The following KSR2 variants were observed in gnomAD, a reference collection of about 807,000 sequenced individuals.
KSR2 encodes kinase suppressor of ras 2.
A neutral mutation model predicts 107.8 loss-of-function variants in KSR2; 25 were observed. That is an observed-to-expected ratio of 0.23 (90% confidence interval 0.17 to 0.32). KSR2 has a LOEUF of 0.32. KSR2 is among the 10% of genes least tolerant of loss of function. The pLI, the probability that KSR2 is intolerant of heterozygous loss-of-function variation, is 1.00. For missense variants in KSR2, 887 were observed against 1,268.9 expected, an observed-to-expected ratio of 0.70 and a Z score of 4.57; for synonymous variants, 480 against 507.0, an observed-to-expected ratio of 0.95 and a Z score of 0.71.
At chr12:117,825,902 C>CGTGGATGGGTGGATGGGTGGATGG (rs1373791697) in intron 3 of KSR2, among the ~76,000 whole-genome samples, 1 of 100,336 alleles carries the variant, frequency 1.0e-5, no homozygotes, top group Non-Finnish European at 1.9e-5. Flanking sequence ...TGCATAGATG[C>CGTGGATGGGTGGATGGGTGGATGG]GTGGATGGGT....
chr12:117,523,118 G>A (rs1874869889), intron 14 of KSR2, among the ~76,000 whole-genome samples: 1 of 152,200 alleles, frequency 6.6e-6, no homozygotes. Flanking sequence ...CAAAGCACGA[G>A]TCACTCCAGT....
intron 5 of KSR2, among the ~76,000 whole-genome samples, chr12:117,634,341 C>G (rs1882951085): frequency 6.6e-6 from 1 of 152,110 alleles, no homozygotes; most frequent in Non-Finnish European, 1.5e-5. Context: ...ACAAAATATG[C>G]AAGACGGAAC....
At chr12:117,485,552 G>A (rs772076006) in intron 15 of KSR2, 43 bp downstream of exon 15, 2 of 1,503,784 alleles carry the variant, frequency 1.3e-6, no homozygotes, top group South Asian at 2.3e-5. Context: ...GGGAAACTGG[G>A]TCTTTCTGAG....
At chr12:117,798,611 C>A (rs577669480) in intron 3 of KSR2, among the ~76,000 whole-genome samples, 1 of 150,996 alleles carries the variant, frequency 6.6e-6, no homozygotes, top group Non-Finnish European at 1.5e-5. Flanking sequence ...CCAGCCTGGG[C>A]AACAGAGTGA....
At chr12:117,605,181 G>A (rs887949880) in intron 5 of KSR2, among the ~76,000 whole-genome samples, 1 of 152,158 alleles carries the variant, frequency 6.6e-6, no homozygotes, top group Non-Finnish European at 1.5e-5. Context: ...CCAAGTGTCT[G>A]TGGATGGACA....
At chr12:117,593,660 T>C (rs1880456886) in intron 5 of KSR2, among the ~76,000 whole-genome samples, 1 of 152,200 alleles carries the variant, frequency 6.6e-6, no homozygotes, top group Admixed American at 6.5e-5. Context: ...CTCTGTAAAA[T>C]GGGGGCAATG....
intron 5 of KSR2, among the ~76,000 whole-genome samples, chr12:117,599,443 C>G (rs1048290734): frequency 6.6e-6 from 1 of 151,956 alleles, no homozygotes; most frequent in Admixed American, 6.6e-5. Flanking sequence ...CTAACAAGTT[C>G]TAGAAGATGA....
intron 14 of KSR2, among the ~76,000 whole-genome samples, chr12:117,517,002 G>T (rs1484075705): frequency 6.6e-6 from 1 of 152,140 alleles, no homozygotes; most frequent in Non-Finnish European, 1.5e-5. Flanking sequence ...TGTACCACTT[G>T]TAGGCGGCTC....
chr12:117,714,070 G>T (rs1054787404), intron 4 of KSR2, among the ~76,000 whole-genome samples: 3 of 152,042 alleles, frequency 2.0e-5, no homozygotes, highest in South Asian at 2.1e-4. Context: ...ATGGAGTGAG[G>T]GGGGGAGCAG....
chr12:117,649,807 C>T (rs910678618), intron 5 of KSR2, among the ~76,000 whole-genome samples: 1 of 152,174 alleles, frequency 6.6e-6, no homozygotes, highest in Non-Finnish European at 1.5e-5. Flanking sequence ...CCAGGGATCA[C>T]TGGGGAATAC....
intron 7 of KSR2, among the ~76,000 whole-genome samples, chr12:117,562,127 G>A (rs1391318626): frequency 1.3e-5 from 2 of 152,184 alleles, no homozygotes. Context: ...AGGGGAAGCC[G>A]AGTTCCAGCA....
At chr12:117,568,592 G>A (rs929780238) in intron 7 of KSR2, among the ~76,000 whole-genome samples, 11 of 152,088 alleles carry the variant, frequency 7.2e-5, no homozygotes, top group South Asian at 2.1e-4. Flanking sequence ...CTGTTTCCTC[G>A]TCTGTAAAAT....
chr12:117,740,668 A>AT (rs1345180723), intron 4 of KSR2, among the ~76,000 whole-genome samples: 15 of 137,384 alleles, frequency 1.1e-4, no homozygotes, highest in East Asian at 2.1e-4. Context: ...TATATAATAT[A>AT]TATAATATAT....
intron 3 of KSR2, among the ~76,000 whole-genome samples, chr12:117,852,197 C>T (rs1416964484): frequency 2.0e-5 from 3 of 151,612 alleles, no homozygotes; most frequent in South Asian, 2.1e-4. Context: ...CCAAGGCAGG[C>T]GGATTGCCTG....
intron 15 of KSR2, among the ~76,000 whole-genome samples, chr12:117,484,911 A>G (rs1093312): frequency 0.27 from 40,526 of 152,204 alleles, 5,501 homozygotes; most frequent in East Asian, 0.31. Context: ...AAGACTAGAT[A>G]GTCAGATCTA....
rs1462262770 is a variant in KSR2, at chr12:117,706,095, GAGC to G, written c.987-38440_987-38438del. Among the ~76,000 whole-genome samples, 9 of 148,340 alleles carry G rather than the reference GAGC, an allele frequency of 6.1e-5. No individual in the cohort carries two copies. In the South Asian group the frequency reaches 1.5e-3, roughly 25 times the overall value. ...GTCCTGCTCTGTCGCCCAGGCTGGA[GAGC>G]AGTGGTGCAATCTCGGCTCACTGCA... On this transcript the variant is annotated intron_variant, in intron 4 of 19. Transcript: ENST00000339824.
At chr12:117,524,752 T>G in intron 14 of KSR2, 100 bp downstream of exon 14, 3 of 1,350,740 alleles carry the variant, frequency 2.2e-6, no homozygotes, top group Non-Finnish European at 3.0e-6. Flanking sequence ...CTAGAGATGG[T>G]CTATTAACCA....
chr12:117,656,607 T>C (rs973586545), intron 5 of KSR2, among the ~76,000 whole-genome samples: 29 of 152,176 alleles, frequency 1.9e-4, no homozygotes, highest in African/African-American at 7.0e-4. Flanking sequence ...AGAGTGAAAC[T>C]GAATCTAAAA....
intron 4 of KSR2, among the ~76,000 whole-genome samples, chr12:117,728,488 G>A (rs998703790): frequency 2.6e-5 from 4 of 152,162 alleles, no homozygotes; most frequent in African/African-American, 9.7e-5. Context: ...TTATAACCTG[G>A]AATGGAACAT....
Sources: allele counts gnomAD v4.1 joint callset (sites outside exome capture counted in the v4.1 genomes callset), GRCh38; gene constraint gnomAD v4.1.1; transcripts MANE v1.5; gene names NCBI Gene and HGNC (gene_info 2026-07-23, HGNC 2026-07-21).